GRIP1: variants seen among roughly 807,000 people sequenced by gnomAD.
GRIP1 encodes glutamate receptor interacting protein 1.
Under a neutral mutation model 129.9 loss-of-function variants are expected in GRIP1, and 45 were observed. The observed-to-expected ratio is 0.35, with a 90% CI of 0.27 to 0.44. The LOEUF is 0.44. GRIP1 is among the 20% of genes least tolerant of loss of function. The pLI, the probability that GRIP1 is intolerant of heterozygous loss-of-function variation, is 1.00. For missense variants in GRIP1, 1,196 were observed against 1,396.8 expected (o/e 0.86, Z 2.29); for synonymous variants, 530 against 520.8 (o/e 1.02, Z -0.24).
chr12:66,949,760 C>CTTT lies in GRIP1; in HGVS notation c.58+119287_58+119289dup, dbSNP rs781123585. Among the ~76,000 whole-genome samples the CTTT allele has an allele frequency of 7.3e-3, 626 of 85,494 alleles. 1 individual carries two copies. Among genetic ancestry groups the CTTT allele is most frequent in the East Asian group, 0.012 (28 of 2,346 alleles). The allele number at this position is 85,494 out of a possible 152,430, so 56.1% of individuals were successfully genotyped here. Reference sequence around the variant, plus strand: ...GAACTGATAACACTGCATGCTCCTCCTTTTTTTTTTTTTTTTTTTTTTTTT... The same window carrying CTTT: ...GAACTGATAACACTGCATGCTCCTCCTTTTTTTTTTTTTTTTTTTTTTTTTTTT... On this transcript the variant is annotated intron_variant, in intron 1 of 1. Coordinates refer to the GRIP1 transcript ENST00000643019.
intron 1 of GRIP1, among the ~76,000 whole-genome samples, chr12:67,066,052 G>C (rs750513463): frequency 2.6e-5 from 4 of 152,162 alleles, no homozygotes; most frequent in Non-Finnish European, 5.9e-5. Flanking sequence ...GTATGTTAGC[G>C]TACATGGGTG....
intron 1 of GRIP1, among the ~76,000 whole-genome samples, chr12:66,987,144 G>C (rs1166281016): frequency 6.6e-6 from 1 of 152,142 alleles, no homozygotes; most frequent in Non-Finnish European, 1.5e-5. Flanking sequence ...TAAGAACCTA[G>C]AGAGAGGATA....
chr12:66,794,152 G>C (rs1379617722), intron 1 of GRIP1, among the ~76,000 whole-genome samples: 1 of 152,158 alleles, frequency 6.6e-6, no homozygotes, highest in Non-Finnish European at 1.5e-5. Context: ...AGATGGAGAG[G>C]AATAGCATCG....
intron 2 of GRIP1, chr12:66,567,858 TCTC>T (rs910530578): frequency 6.0e-6 from 1 of 165,398 alleles, no homozygotes; most frequent in Non-Finnish European, 1.3e-5. Flanking sequence ...AATATTGCAT[TCTC>T]CTCCTAGTTC....
intron 7 of GRIP1, among the ~76,000 whole-genome samples, chr12:66,514,993 CTTAACAT>C (rs2060802256): frequency 6.6e-6 from 1 of 152,060 alleles, no homozygotes; most frequent in South Asian, 2.1e-4. Context: ...CGTTGGCTCT[CTTAACAT>C]TTAAGATCCA....
chr12:66,451,120 C>T (rs1439528312), intron 11 of GRIP1, among the ~76,000 whole-genome samples: 1 of 152,106 alleles, frequency 6.6e-6, no homozygotes, highest in Non-Finnish European at 1.5e-5. Context: ...GTTCAGGATT[C>T]GTTCCTGCTC....
At chr12:66,590,138 T>G (rs766494780) in intron 2 of GRIP1, among the ~76,000 whole-genome samples, 1 of 152,170 alleles carries the variant, frequency 6.6e-6, no homozygotes, top group South Asian at 2.1e-4. Flanking sequence ...CGATACCACA[T>G]GTACCTGGAG....
At chr12:66,751,167 A>G (rs1007766696) in intron 1 of GRIP1, among the ~76,000 whole-genome samples, 1 of 152,218 alleles carries the variant, frequency 6.6e-6, no homozygotes, top group Non-Finnish European at 1.5e-5. Context: ...ACCCTAAGGT[A>G]AGAACATTAG....
Position 66,529,906 on chromosome 12 carries a change from C to T in GRIP1, c.427G>A (p.Gly143Arg). 6.4e-7 allele frequency: 1 copy of T among 1,573,802 alleles called. No individual in the cohort carries two copies. The highest frequency in any genetic ancestry group is 8.7e-7 in the Non-Finnish European group (1 of 1,143,248). The change falls in exon 5 of 25, where the codon GGA becomes AGA. Residue 143 changes from glycine to arginine, a missense_variant. Transcript: ENST00000359742. The stretch of plus-strand genomic sequence containing the variant: ...ACTGTTCGGAAAATAACACTTGATC[C>T]TTGCACAGCTGAATAAAGGAAAGAG... ...EYELPPVSVQ[G>R]SSVIFRTVEV...
At chr12:67,025,723 C>T (rs2042933846) in intron 1 of GRIP1, among the ~76,000 whole-genome samples, 1 of 151,870 alleles carries the variant, frequency 6.6e-6, no homozygotes, top group Non-Finnish European at 1.5e-5. Context: ...GTCATGACGG[C>T]GAGGGTCCTC....
intron 7 of GRIP1, among the ~76,000 whole-genome samples, chr12:66,471,154 A>C (rs2059429365): frequency 6.6e-6 from 1 of 152,226 alleles, no homozygotes; most frequent in Admixed American, 6.5e-5. Context: ...GGTAAAAAGG[A>C]GGGTATTCTT....
intron 1 of GRIP1, among the ~76,000 whole-genome samples, chr12:66,732,161 C>T (rs994833590): frequency 1.3e-5 from 2 of 152,128 alleles, no homozygotes; most frequent in Non-Finnish European, 2.9e-5. Flanking sequence ...TCCACCTTCT[C>T]TACCTCTTCT....
intron 19 of GRIP1, among the ~76,000 whole-genome samples, chr12:66,384,675 A>T (rs2056274208): frequency 6.6e-6 from 1 of 152,186 alleles, no homozygotes; most frequent in Admixed American, 6.5e-5. Context: ...TCAAAGTAAG[A>T]AGATAAGTGA....
rs1443104482 is a variant in GRIP1, at chr12:66,710,139, G to C, written c.-419-79803C>G. Among the ~76,000 whole-genome samples, 6 of 151,864 alleles carry C rather than the reference G, an allele frequency of 4.0e-5. No homozygotes were observed. The East Asian group carries it at 1.2e-3, about 29-fold the overall frequency. Reference sequence around the variant, plus strand: ...TTCATACTATATTCATTGGAAAGGAGCTACTATGAGTAACCCACACATAAG... The same window carrying C: ...TTCATACTATATTCATTGGAAAGGACCTACTATGAGTAACCCACACATAAG... On this transcript the variant is annotated intron_variant, in intron 1 of 4. Coordinates refer to the GRIP1 transcript ENST00000538373.
intron 1 of GRIP1, among the ~76,000 whole-genome samples, chr12:66,776,847 A>T (rs1400271893): frequency 6.6e-6 from 1 of 152,232 alleles, no homozygotes; most frequent in Non-Finnish European, 1.5e-5. Flanking sequence ...ACTGTGGATC[A>T]CATACATTTG....
At chr12:66,718,136 T>C (rs900215464) in intron 1 of GRIP1, among the ~76,000 whole-genome samples, 3 of 152,132 alleles carry the variant, frequency 2.0e-5, no homozygotes, top group Non-Finnish European at 4.4e-5. Flanking sequence ...ATCCACACAA[T>C]GGCTGGTCAC....
chr12:66,904,893 AAAAAAAAAC>A lies in GRIP1; in HGVS notation c.58+164148_58+164156del, dbSNP rs2040904844. ...GTGACAGAATGAGACTCCGTCTCAA[AAAAAAAAAC>A]AAAAAAAAGTAAGCTTTGTTTTTGT... On this transcript the variant is annotated intron_variant, in intron 1 of 1. Transcript: ENST00000643019. Among the ~76,000 whole-genome samples, 6 of 152,034 alleles carry A rather than the reference AAAAAAAAAC, an allele frequency of 3.9e-5. No individual in the cohort carries two copies. The South Asian group carries it at 1.2e-3, about 32-fold the overall frequency.
At chr12:66,628,514 C>T (rs1451590925) in intron 1 of GRIP1, among the ~76,000 whole-genome samples, 2 of 152,218 alleles carry the variant, frequency 1.3e-5, no homozygotes, top group Non-Finnish European at 2.9e-5. Context: ...GTCCTGTTAA[C>T]CCCTCATCAG....
intron 5 of GRIP1, among the ~76,000 whole-genome samples, chr12:66,526,102 C>T (rs1426682910): frequency 3.3e-5 from 5 of 152,034 alleles, no homozygotes; most frequent in Non-Finnish European, 7.4e-5. Flanking sequence ...GGCCATACTG[C>T]CCAAGGTAAT....
Sources: allele counts gnomAD v4.1 joint callset (sites outside exome capture counted in the v4.1 genomes callset), GRCh38; gene constraint gnomAD v4.1.1; transcripts MANE v1.5; gene names NCBI Gene and HGNC (gene_info 2026-07-23, HGNC 2026-07-21).